HMOX2: variants seen among roughly 807,000 people sequenced by gnomAD.
HMOX2 encodes heme oxygenase (decycling) 2.
A neutral mutation model predicts 33.7 loss-of-function variants in HMOX2; 30 were observed. That is an observed-to-expected ratio of 0.89 (90% CI 0.67 to 1.21). The LOEUF (loss-of-function observed/expected upper bound fraction) is 1.21, where lower values mean the gene tolerates loss of function less well. Ranked by LOEUF, HMOX2 falls within the 50% of genes most tolerant of loss-of-function variation. The probability of loss-of-function intolerance (pLI) is 0.00; values close to 1 mark genes in which losing one functional copy is unlikely to be tolerated. For synonymous variants in HMOX2, 155 were observed against 155.0 expected, an observed-to-expected ratio of 1.00 and a Z score of 0.00; for missense variants, 403 against 399.1, an observed-to-expected ratio of 1.01 and a Z score of -0.08.
intron 1 of HMOX2, among the ~76,000 whole-genome samples, chr16:4,503,847 CCT>C (rs1256443593): frequency 6.6e-6 from 1 of 152,212 alleles, no homozygotes; most frequent in Non-Finnish European, 1.5e-5. Flanking sequence ...CTTCTTGACA[CCT>C]GTTTCTGGGT....
chr16:4,478,388 T>C (rs1341488292), intron 1 of HMOX2, among the ~76,000 whole-genome samples: 1 of 152,140 alleles, frequency 6.6e-6, no homozygotes. Context: ...CACAGGACAG[T>C]TGGGCTCTAC....
intron 1 of HMOX2, among the ~76,000 whole-genome samples, chr16:4,492,961 C>G (rs1373619964): frequency 6.6e-6 from 1 of 152,170 alleles, no homozygotes; most frequent in Non-Finnish European, 1.5e-5. Context: ...TGCTTGAACC[C>G]AGGAGTGGGG....
upstream of HMOX2, chr16:4,476,038 T>A (rs376809712): frequency 6.6e-6 from 1 of 151,956 alleles, no homozygotes; most frequent in Non-Finnish European, 1.5e-5. Context: ...GGTGTCAGAG[T>A]TGAGACTCAG....
intron 1 of HMOX2, among the ~76,000 whole-genome samples, chr16:4,494,042 C>T (rs2058361342): frequency 6.6e-6 from 1 of 152,160 alleles, no homozygotes; most frequent in Non-Finnish European, 1.5e-5. Context: ...GTCGGGCCGG[C>T]ACTGTGGCTC....
At chr16:4,495,112 C>T (rs2058387663) in intron 1 of HMOX2, among the ~76,000 whole-genome samples, 1 of 152,212 alleles carries the variant, frequency 6.6e-6, no homozygotes, top group Non-Finnish European at 1.5e-5. Flanking sequence ...ATTTTCTGGA[C>T]ACTCTGCCCG....
At chr16:4,499,943 C>G (rs2058516699) in intron 1 of HMOX2, among the ~76,000 whole-genome samples, 1 of 152,206 alleles carries the variant, frequency 6.6e-6, no homozygotes, top group African/African-American at 2.4e-5. Context: ...TTGTTACACA[C>G]ACAGGCACAG....
intron 1 of HMOX2, among the ~76,000 whole-genome samples, chr16:4,493,071 G>A (rs2058341943): frequency 6.6e-6 from 1 of 152,072 alleles, no homozygotes; most frequent in Non-Finnish European, 1.5e-5. Context: ...CTGTGGCCCA[G>A]GCTGGAAGCT....
chr16:4,507,491 C>G (rs906554270), intron 3 of HMOX2, among the ~76,000 whole-genome samples: 1 of 151,886 alleles, frequency 6.6e-6, no homozygotes, highest in African/African-American at 2.4e-5. Flanking sequence ...GATAGAATAA[C>G]ATAGTGGTGT....
intron 4 of HMOX2, among the ~76,000 whole-genome samples, chr16:4,508,637 G>C (rs948697177): frequency 3.3e-5 from 5 of 152,118 alleles, no homozygotes; most frequent in African/African-American, 9.7e-5. Context: ...GCTGAACCTG[G>C]GGAAGCTTAC....
In HMOX2 at chr16:4,507,681, G is replaced by A. The variant is rs1368855160; in HGVS notation, c.205-32G>A. 4.4e-6 allele frequency: 7 copies of A among 1,601,510 alleles called. No homozygotes were observed. The Admixed American group carries it at 1.2e-4, about 27-fold the overall frequency. ...AGCTGCTCGGATGTGGTGTGCTCAG[G>A]CATAGCTGGCCTCCTCCTGTCACCT... On this transcript the variant is annotated intron_variant, in intron 3 of 5. Coordinates refer to ENST00000570646, the MANE Select transcript of HMOX2 (RefSeq NM_002134.4).
chr16:4,491,952 G>T (rs1277700903), intron 1 of HMOX2, among the ~76,000 whole-genome samples: 1 of 152,062 alleles, frequency 6.6e-6, no homozygotes, highest in African/African-American at 2.4e-5. Context: ...AAAGTACTGA[G>T]ATTACAGGTG....
At chr16:4,487,880 G>A (rs1330047864) in intron 1 of HMOX2, among the ~76,000 whole-genome samples, 3 of 151,794 alleles carry the variant, frequency 2.0e-5, no homozygotes, top group Non-Finnish European at 4.4e-5. Context: ...GAACCCGGGA[G>A]GCGGAGGTTG....
chr16:4,500,494 A>T (rs1319346906), intron 1 of HMOX2, among the ~76,000 whole-genome samples: 1 of 151,892 alleles, frequency 6.6e-6, no homozygotes, highest in Admixed American at 6.6e-5. Context: ...CCAGGGAGTG[A>T]GTCAGTCTGC....
At chr16:4,498,120 G>A (rs568168942) in intron 1 of HMOX2, among the ~76,000 whole-genome samples, 14 of 142,760 alleles carry the variant, frequency 9.8e-5, no homozygotes, top group African/African-American at 3.4e-4. Flanking sequence ...AGGCTGGAGC[G>A]CAGTGGCACT....
At chr16:4,488,199 A>G (rs1038301988) in intron 1 of HMOX2, among the ~76,000 whole-genome samples, 1 of 151,360 alleles carries the variant, frequency 6.6e-6, no homozygotes, top group African/African-American at 2.4e-5. Context: ...GCTGTTGGAC[A>G]GTTGCCTTTT....
intron 1 of HMOX2, among the ~76,000 whole-genome samples, chr16:4,480,406 G>A (rs1388990999): frequency 6.9e-6 from 1 of 144,432 alleles, no homozygotes; most frequent in Non-Finnish European, 1.5e-5. Context: ...GTGCAGTGGC[G>A]CCGTCTCGGC....
In HMOX2 at chr16:4,508,194, A is replaced by G. The variant is rs374010778; in HGVS notation, c.686A>G (p.Tyr229Cys). Residue 229 changes from tyrosine to cysteine, a missense_variant, in exon 4 of 6, where the codon TAT becomes TGT. Transcript: ENST00000570646. The part of the protein sequence containing the change: ...IVEEANKAFE[Y>C]NMQIFNELDQ... ...GAGGAGGCCAACAAGGCTTTTGAGT[A>G]TAACATGCAGGTACTATTGGGGGCT... 3.2e-5 allele frequency: 52 copies of G among 1,607,890 alleles called. No individual in the cohort carries two copies. Among genetic ancestry groups the G allele is most frequent in the Non-Finnish European group, 4.1e-5 (48 of 1,176,814 alleles).
At chr16:4,508,330 A>AG in intron 4 of HMOX2, 126 bp downstream of exon 4, 1 of 1,145,178 alleles carries the variant, frequency 8.7e-7, no homozygotes, top group South Asian at 1.6e-5. Context: ...GCCGAGAGGA[A>AG]GGTGGCCACC....
Position 4,509,402 on chromosome 16 carries a change from G to A in HMOX2, c.697-10G>A. The A allele has an allele frequency of 6.2e-7, 1 of 1,613,306 alleles. No individual in the cohort carries two copies. The stretch of plus-strand genomic sequence containing the variant: ...CCAAAGATGGCTCAGTCGATCCTCT[G>A]CTCCTGCAGATATTCAATGAACTGG... On this transcript the variant is annotated splice_polypyrimidine_tract_variant and intron_variant, in intron 4 of 5. Transcript: ENST00000570646.
Sources: gnomAD v4.1 joint callset for allele counts (sites outside exome capture counted in the v4.1 genomes callset) on GRCh38, gnomAD v4.1.1 for gene constraint, MANE v1.5 for transcripts, NCBI Gene and HGNC (gene_info 2026-07-23, HGNC 2026-07-21) for gene names.